The following SLC38A3 variants were observed in gnomAD, a reference collection of about 807,000 sequenced individuals.
The protein encoded by SLC38A3 is solute carrier family 38 member 3.
SLC38A3 carries 17 observed loss-of-function variants against 59.5 expected under a neutral mutation model. That is an observed-to-expected ratio of 0.29 (90% CI 0.20 to 0.43). The LOEUF (loss-of-function observed/expected upper bound fraction) is 0.43, where lower values mean the gene tolerates loss of function less well. Among genes scored for constraint, SLC38A3 ranks in the 20% least tolerant of loss-of-function variants. The pLI, the probability that SLC38A3 is intolerant of heterozygous loss-of-function variation, is 1.00. For missense variants in SLC38A3, 454 were observed against 653.9 expected, an observed-to-expected ratio of 0.69 and a Z score of 3.33; for synonymous variants, 238 against 260.3, an observed-to-expected ratio of 0.91 and a Z score of 0.82.
chr3:50,214,925 C>T lies in SLC38A3; in HGVS notation c.299+157C>T. The T allele has an allele frequency of 1.5e-6, 1 of 650,718 alleles. No homozygotes were observed. Among genetic ancestry groups the T allele is most frequent in the South Asian group, 1.7e-5 (1 of 57,804 alleles). 40.3% of individuals were successfully genotyped at this position (650,718 alleles called of 1,614,324 possible). ...CCGCGGCTGAAAAAAACATCCACAG[C>T]CAAACAAATATACCTCACTGCCCAG... On this transcript the variant is annotated intron_variant, in intron 4 of 15. Transcript: ENST00000614032. This position sits in a 1 kb window ranked among gnomAD's most constrained non-coding sequence, Gnocchi z 6.0.
intron 1 of SLC38A3, chr3:50,208,062 G>T (rs969003863): frequency 6.6e-6 from 1 of 152,340 alleles, no homozygotes; most frequent in African/African-American, 2.4e-5. Context: ...GCCTCTGGGT[G>T]TCATAGCACC....
Position 50,215,400 on chromosome 3 carries a change from C to T in SLC38A3, c.314C>T (p.Ala105Val). Residue 105 changes from alanine (A) to valine (V), a missense_variant, in exon 5 of 16, where the codon GCT (alanine) becomes GTT (valine). Physicochemically the swap from Ala to Val is moderately conservative, Grantham distance 64 (BLOSUM62 0). Transcript: ENST00000614032. The surrounding 1 kb of genome is among the most constrained non-coding windows in gnomAD (Gnocchi z 7.1). ...GIILFLFLLTAVALLSSYSIH... is the reference protein window; with the variant it reads ...GIILFLFLLTVVALLSSYSIH... ...TGTGTCCCCAGGTTCCTGTTGACAG[C>T]TGTCGCCTTGCTCTCCAGCTACTCC... 1 of 1,614,020 alleles carries T rather than the reference C, an allele frequency of 6.2e-7. No individual in the cohort carries two copies. The highest frequency in any genetic ancestry group is 1.1e-5 in the South Asian group (1 of 91,084).
At chr3:50,219,036 C>T (rs937124591) in intron 14 of SLC38A3, 88 bp downstream of exon 14, 1 of 1,504,962 alleles carries the variant, frequency 6.6e-7, no homozygotes, top group Non-Finnish European at 9.1e-7. Flanking sequence ...AGCTTACACC[C>T]TACATTAAGT....
In SLC38A3 at chr3:50,217,056, AACC is replaced by A. The variant is rs1365247277; in HGVS notation, c.549-178_549-176del. Among the ~76,000 whole-genome samples, 9 of 152,196 alleles carry A rather than the reference AACC, an allele frequency of 5.9e-5. No individual in the cohort carries two copies. The highest frequency in any genetic ancestry group is 1.0e-4 in the Non-Finnish European group (7 of 68,026). On this transcript the variant is annotated intron_variant, in intron 7 of 15. Coordinates refer to ENST00000614032, the MANE Select transcript of SLC38A3 (RefSeq NM_006841.6). The surrounding 1 kb of genome is among the most constrained non-coding windows in gnomAD (Gnocchi z 4.9). Reference sequence around the variant, plus strand: ...CCAAAGTGCTGGGATTACAGGCGTGAACCACCGCGCCCAGCTGGGCATGCCCAT... The same window carrying A: ...CCAAAGTGCTGGGATTACAGGCGTGAACCGCGCCCAGCTGGGCATGCCCAT...
rs1345979820 is a variant in SLC38A3, at chr3:50,218,648, C to A, written c.1092C>A (p.Val364=). The A allele has an allele frequency of 4.3e-6, 7 of 1,613,700 alleles. No individual in the cohort carries two copies. In the South Asian group the frequency reaches 7.7e-5, roughly 18 times the overall value. ...ACAGCAAGGTGGACCCGTTTGACGT[C>A]CTGATCCTGTGTGTGCGCGTGGCCG... ...HTYSKVDPFD[V]LILCVRVAVL... The change falls in exon 13 of 16, where the codon GTC becomes GTA. Residue 364 remains valine (V), a synonymous_variant. Transcript: ENST00000614032. The surrounding 1 kb of genome is among the most constrained non-coding windows in gnomAD (Gnocchi z 5.8).
chr3:50,213,432 GC>G (rs1478704527), intron 1 of SLC38A3, among the ~76,000 whole-genome samples: 3 of 152,186 alleles, frequency 2.0e-5, no homozygotes, highest in Admixed American at 2.0e-4. Context: ...TTCCTGGAAG[GC>G]CCCCTGAGGG....
chr3:50,217,232 C>T lies in SLC38A3; in HGVS notation c.549-6C>T. 2 of 1,609,052 alleles carry T rather than the reference C, an allele frequency of 1.2e-6. No homozygotes were observed. The highest frequency in any genetic ancestry group is 2.2e-5 in the South Asian group (2 of 90,116). Reference sequence around the variant, plus strand: ...TGACCCTGGCTCCCGACTCATGTCCCTGCAGGGACTGGTACATGAACGGGA... The same window carrying T: ...TGACCCTGGCTCCCGACTCATGTCCTTGCAGGGACTGGTACATGAACGGGA... On this transcript the variant is annotated splice_region_variant and splice_polypyrimidine_tract_variant and intron_variant, in intron 7 of 15. Transcript: ENST00000614032. The surrounding 1 kb of genome is among the most constrained non-coding windows in gnomAD (Gnocchi z 4.9).
chr3:50,218,091 A>T lies in SLC38A3; in HGVS notation c.935+95A>T. ...TGAATGTGGAGAGGGGAGTGACAGG[A>T]GCCAAGTCACTTTATCTGAGATGTC... On this transcript the variant is annotated intron_variant, in intron 11 of 15. Coordinates refer to ENST00000614032, the MANE Select transcript of SLC38A3 (RefSeq NM_006841.6). This position sits in a 1 kb window ranked among gnomAD's most constrained non-coding sequence, Gnocchi z 5.8. 1 of 1,306,560 alleles carries T rather than the reference A, an allele frequency of 7.7e-7. No individual in the cohort carries two copies. The highest frequency in any genetic ancestry group is 1.1e-6 in the Non-Finnish European group (1 of 914,968). The allele number at this position is 1,306,560 out of a possible 1,614,324, so 80.9% of individuals were successfully genotyped here. A position where few individuals can be genotyped will look rare whatever the true frequency, so the allele number is the denominator to read the frequency against.
Position 50,214,610 on chromosome 3 carries a change from G to A in SLC38A3, c.184-43G>A, listed in dbSNP as rs182598575. 9.3e-6 allele frequency: 14 copies of A among 1,509,726 alleles called. No homozygotes were observed. The Admixed American group carries it at 2.0e-4, about 22-fold the overall frequency. The allele number at this position is 1,509,726 out of a possible 1,614,324, so 93.5% of individuals were successfully genotyped here. Reference sequence around the variant, plus strand: ...GAAGGCTGCGATGCCCCTGTCCCTTGCTGACTCCTCCCACCCTCCCCGTCC... The same window carrying A: ...GAAGGCTGCGATGCCCCTGTCCCTTACTGACTCCTCCCACCCTCCCCGTCC... On this transcript the variant is annotated intron_variant, in intron 3 of 15. Coordinates refer to ENST00000614032, the MANE Select transcript of SLC38A3 (RefSeq NM_006841.6). This position sits in a 1 kb window ranked among gnomAD's most constrained non-coding sequence, Gnocchi z 6.0.
At position 50,217,646 on chromosome 3, in the gene SLC38A3, C is replaced by T. The variant is rs1054046497; in HGVS notation, c.691-30C>T. ...TTCCCAGGCAGTCCAGCCTGGGAGTCTCTGACACCCTCATCCCTCCCCACT... is the reference window on the plus strand; with the variant it reads ...TTCCCAGGCAGTCCAGCCTGGGAGTTTCTGACACCCTCATCCCTCCCCACT... On this transcript the variant is annotated intron_variant, in intron 9 of 15. Transcript: ENST00000614032. This position sits in a 1 kb window ranked among gnomAD's most constrained non-coding sequence, Gnocchi z 4.9. The T allele has an allele frequency of 2.5e-6, 4 of 1,611,424 alleles. No homozygotes were observed. The highest frequency in any genetic ancestry group is 2.7e-5 in the African/African-American group (2 of 74,772).
chr3:50,214,528 T>G lies in SLC38A3; in HGVS notation c.183+45T>G. 6.6e-7 allele frequency: 1 copy of G among 1,522,408 alleles called. No homozygotes were observed. The highest frequency in any genetic ancestry group is 8.9e-7 in the Non-Finnish European group (1 of 1,119,218). 94.3% of individuals were successfully genotyped at this position (1,522,408 alleles called of 1,614,324 possible). Reference sequence around the variant, plus strand: ...GTTTTAGGGGACACTGTGGGGAGCTTGGATGCAGTAATGAGGTGGTCTCTG... The same window carrying G: ...GTTTTAGGGGACACTGTGGGGAGCTGGGATGCAGTAATGAGGTGGTCTCTG... On this transcript the variant is annotated intron_variant, in intron 3 of 15. Coordinates refer to ENST00000614032, the MANE Select transcript of SLC38A3 (RefSeq NM_006841.6). The surrounding 1 kb of genome is among the most constrained non-coding windows in gnomAD (Gnocchi z 6.0).
chr3:50,211,360 T>G (rs1389959644), intron 1 of SLC38A3, among the ~76,000 whole-genome samples: 1 of 152,162 alleles, frequency 6.6e-6, no homozygotes, highest in South Asian at 2.1e-4. Flanking sequence ...CTCCTAGACC[T>G]GGCCTTTACA....
At chr3:50,211,577 T>C (rs1174678721) in intron 1 of SLC38A3, among the ~76,000 whole-genome samples, 2 of 145,460 alleles carry the variant, frequency 1.4e-5, no homozygotes, top group Non-Finnish European at 3.0e-5. Flanking sequence ...CCTTTTTTTT[T>C]TTTTTTTTTT....
At position 50,214,854 on chromosome 3, in the gene SLC38A3, C is replaced by T. The variant is rs1317821000; in HGVS notation, c.299+86C>T. On this transcript the variant is annotated intron_variant, in intron 4 of 15. Coordinates refer to ENST00000614032, the MANE Select transcript of SLC38A3 (RefSeq NM_006841.6). This position sits in a 1 kb window ranked among gnomAD's most constrained non-coding sequence, Gnocchi z 6.0. ...CTCCCAGGACCCGCCAGTTCCCTGTCCCAGCATCCAGGCTGCAGTGGGTGG... is the reference window on the plus strand; with the variant it reads ...CTCCCAGGACCCGCCAGTTCCCTGTTCCAGCATCCAGGCTGCAGTGGGTGG... 1.1e-6 allele frequency: 1 copy of T among 870,868 alleles called. No individual in the cohort carries two copies. Among genetic ancestry groups the T allele is most frequent in the Non-Finnish European group, 1.9e-6 (1 of 540,516 alleles). The allele number at this position is 870,868 out of a possible 1,614,324, so 53.9% of individuals were successfully genotyped here.
chr3:50,217,787 G>A lies in SLC38A3; in HGVS notation c.802G>A (p.Glu268Lys), dbSNP rs747480271. 78 of 1,613,896 alleles carry A rather than the reference G, an allele frequency of 4.8e-5. No individual in the cohort carries two copies. Among genetic ancestry groups the A allele is most frequent in the East Asian group, 1.3e-4 (6 of 44,892 alleles). ...GAAGGAGAAGGTGCAGCTGCAGGTC[G>A]AGCCTGAGGCTTCAGCCTTCTGCAC... ...IVKEKVQLQV[E>K]PEASAFCTPS... Residue 268 changes from glutamate (E) to lysine (K), a missense_variant, in exon 10 of 16, where the codon GAG (glutamate) becomes AAG (lysine). By Grantham distance (56) the Glu-to-Lys change is moderately conservative. Around this residue, in one of 3 missense-constraint regions of SLC38A3, gnomAD observed 390 missense variants for 557.9 expected, o/e 0.70. Transcript: ENST00000614032. The surrounding 1 kb of genome is among the most constrained non-coding windows in gnomAD (Gnocchi z 4.9).
In SLC38A3 at chr3:50,218,018, T is replaced by TG; in HGVS notation, c.935+27dup. On this transcript the variant is annotated intron_variant, in intron 11 of 15. Coordinates refer to ENST00000614032, the MANE Select transcript of SLC38A3 (RefSeq NM_006841.6). This position sits in a 1 kb window ranked among gnomAD's most constrained non-coding sequence, Gnocchi z 5.8. The stretch of plus-strand genomic sequence containing the variant: ...AGGAGTAGGTGTCTGTGGCTGGGAG[T>TG]GGGGGTGGGGATGCCCTGAGCTGGT... The TG allele has an allele frequency of 6.2e-7, 1 of 1,610,742 alleles. No individual in the cohort carries two copies. Among genetic ancestry groups the TG allele is most frequent in the Admixed American group, 1.7e-5 (1 of 59,892 alleles).
In SLC38A3 at chr3:50,219,988, C is replaced by T. The variant is rs1699874879; in HGVS notation, c.1410+4C>T. ...AAGATCCACCCCCAAAATCCTGGTG[C>T]GAGGGGCCTGGAGGCCGGTGGGCTG... On this transcript the variant is annotated splice_donor_region_variant and intron_variant, in intron 15 of 15. Transcript: ENST00000614032. The T allele has an allele frequency of 4.3e-6, 7 of 1,610,202 alleles. No individual in the cohort carries two copies. The highest frequency in any genetic ancestry group is 2.2e-5 in the East Asian group (1 of 44,778).
At chr3:50,212,468 G>A (rs959521468) in intron 1 of SLC38A3, among the ~76,000 whole-genome samples, 1 of 152,184 alleles carries the variant, frequency 6.6e-6, no homozygotes, top group Non-Finnish European at 1.5e-5. Context: ...GCAACCCTGG[G>A]GTCAGGGGAG....
Position 50,215,365 on chromosome 3 carries a change from C to A in SLC38A3, c.300-21C>A. ...GCCCCCCAGTGGCCTCTTTTTCTTC[C>A]ATCTTCCCATGTGTCCCCAGGTTCC... On this transcript the variant is annotated intron_variant, in intron 4 of 15. Coordinates refer to ENST00000614032, the MANE Select transcript of SLC38A3 (RefSeq NM_006841.6). The surrounding 1 kb of genome is among the most constrained non-coding windows in gnomAD (Gnocchi z 7.1). 1 of 1,612,768 alleles carries A rather than the reference C, an allele frequency of 6.2e-7. No homozygotes were observed. Among genetic ancestry groups the A allele is most frequent in the South Asian group, 1.1e-5 (1 of 91,034 alleles).
Sources: allele counts gnomAD v4.1 joint callset (sites outside exome capture counted in the v4.1 genomes callset), GRCh38; gene constraint gnomAD v4.1.1; regional missense constraint gnomAD v4.1.1; non-coding constraint Gnocchi (gnomAD v3.1); transcripts MANE v1.5; gene names NCBI Gene and HGNC (gene_info 2026-07-23, HGNC 2026-07-21).